The following RORA variants were observed in gnomAD, a reference collection of about 807,000 sequenced individuals.
RORA encodes the protein RAR related orphan receptor A.
Under a neutral mutation model 69.5 loss-of-function variants are expected in RORA, and 7 were observed. That is an observed-to-expected ratio of 0.10 (90% CI 0.06 to 0.19). RORA has a LOEUF of 0.19. Ranked by LOEUF, RORA falls within the 10% of genes least tolerant of loss-of-function variation. The pLI is 1.00. For missense variants in RORA, 457 were observed against 663.0 expected (o/e 0.69, Z 3.41); for synonymous variants, 261 against 240.8 (o/e 1.08, Z -0.78).
intron 6 of RORA, among the ~76,000 whole-genome samples, chr15:60,505,070 G>A (rs111784709): frequency 2.6e-5 from 4 of 152,310 alleles, no homozygotes; most frequent in African/African-American, 9.6e-5. Flanking sequence ...TATGATCACA[G>A]CTTCTAAATT....
At chr15:61,189,882 A>AAAAAAC (rs2079780836) in intron 1 of RORA, among the ~76,000 whole-genome samples, 1 of 149,424 alleles carries the variant, frequency 6.7e-6, no homozygotes, top group Non-Finnish European at 1.5e-5. Flanking sequence ...AAAAAAAAAA[A>AAAAAAC]CCACAGATAT....
At chr15:60,632,294 G>C (rs1237343382) in intron 2 of RORA, among the ~76,000 whole-genome samples, 1 of 151,968 alleles carries the variant, frequency 6.6e-6, no homozygotes, top group African/African-American at 2.4e-5. Context: ...TTTTAGTAGA[G>C]ACGGGGGTTT....
At chr15:60,506,332 T>C (rs990011887) in intron 5 of RORA, among the ~76,000 whole-genome samples, 1 of 152,108 alleles carries the variant, frequency 6.6e-6, no homozygotes, top group African/African-American at 2.4e-5. Flanking sequence ...GCCCTTAGAA[T>C]GGGGAGGATT....
chr15:60,552,443 T>C (rs1316093167), intron 2 of RORA, among the ~76,000 whole-genome samples: 3 of 152,196 alleles, frequency 2.0e-5, no homozygotes, highest in Admixed American at 6.5e-5. Context: ...CACGTATTTA[T>C]TAGCTGTCTC....
chr15:61,217,986 C>A (rs1000572221), intron 1 of RORA, among the ~76,000 whole-genome samples: 1 of 152,158 alleles, frequency 6.6e-6, no homozygotes, highest in Non-Finnish European at 1.5e-5. Flanking sequence ...CTTCCTCCCC[C>A]ACTGCTGGGC....
Position 61,146,160 on chromosome 15 carries a change from A to G in RORA, c.166+82893T>C, listed in dbSNP as rs375307328. On this transcript the variant is annotated intron_variant, in intron 1 of 10. Transcript: ENST00000335670. The stretch of plus-strand genomic sequence containing the variant: ...GAATGCATGATGGGTTGGTTTAAAA[A>G]TATGTCGAGGATTTTTCCCCTAGAT... 4.6e-5 allele frequency among the ~76,000 whole-genome samples: 7 copies of G among 152,322 alleles called. No individual in the cohort carries two copies. In the East Asian group the frequency reaches 1.2e-3, roughly 25 times the overall value.
At chr15:60,793,027 A>G (rs1193973066) in intron 1 of RORA, among the ~76,000 whole-genome samples, 1 of 150,860 alleles carries the variant, frequency 6.6e-6, no homozygotes, top group Non-Finnish European at 1.5e-5. Context: ...CTCCCTCAAA[A>G]GAGAGAGAGA....
intron 2 of RORA, among the ~76,000 whole-genome samples, chr15:60,568,757 C>G (rs879734293): frequency 1.6e-4 from 25 of 152,176 alleles, no homozygotes; most frequent in Admixed American, 1.6e-3. Flanking sequence ...TATCTTGAAT[C>G]TAAGCACTGT....
chr15:60,780,204 C>G (rs147877030), intron 1 of RORA, among the ~76,000 whole-genome samples: 32 of 152,288 alleles, frequency 2.1e-4, no homozygotes, highest in African/African-American at 7.7e-4. Flanking sequence ...GATCTCTACC[C>G]TGGCTGCTTA....
At chr15:60,608,549 G>A (rs1166659576) in intron 2 of RORA, among the ~76,000 whole-genome samples, 1 of 152,138 alleles carries the variant, frequency 6.6e-6, no homozygotes, top group Non-Finnish European at 1.5e-5. Context: ...ACTACATGTT[G>A]CAAGATGCTA....
chr15:60,795,036 C>A (rs1567193872), intron 1 of RORA, among the ~76,000 whole-genome samples: 1 of 152,150 alleles, frequency 6.6e-6, no homozygotes, highest in Non-Finnish European at 1.5e-5. Context: ...ATAAAAACCT[C>A]AAGAAACCTA....
intron 1 of RORA, chr15:61,038,717 T>G (rs1332220817): frequency 6.6e-6 from 1 of 152,220 alleles, no homozygotes; most frequent in South Asian, 2.1e-4. Flanking sequence ...TAGCGGAAGA[T>G]TCTAGGCAGC....
chr15:60,632,952 G>C (rs916506548), intron 2 of RORA, among the ~76,000 whole-genome samples: 2 of 152,056 alleles, frequency 1.3e-5, no homozygotes, highest in Non-Finnish European at 1.5e-5. Context: ...GATCAAAAAA[G>C]GGTGTTTAAA....
intron 2 of RORA, chr15:60,592,480 G>T: frequency 7.4e-7 from 1 of 1,342,396 alleles, no homozygotes; most frequent in Non-Finnish European, 9.6e-7. Flanking sequence ...CCCCTCTGCC[G>T]CCGCCGCGCC....
chr15:61,039,133 G>A (rs1896607077), intron 1 of RORA: 1 of 152,162 alleles, frequency 6.6e-6, no homozygotes, highest in Non-Finnish European at 1.5e-5. Context: ...GGTTTCTAAG[G>A]AGGAACAAAA....
chr15:60,936,420 A>G (rs1373532103), intron 1 of RORA, among the ~76,000 whole-genome samples: 2 of 152,248 alleles, frequency 1.3e-5, no homozygotes, highest in Non-Finnish European at 2.9e-5. Context: ...TTCCAGAAAC[A>G]GCCTGGATGG....
chr15:60,514,236 T>C (rs944457489), intron 4 of RORA, among the ~76,000 whole-genome samples: 2 of 152,242 alleles, frequency 1.3e-5, no homozygotes, highest in East Asian at 1.9e-4. Context: ...CAAGTAACAG[T>C]TGTGGTTCAC....
intron 1 of RORA, among the ~76,000 whole-genome samples, chr15:60,842,427 A>G (rs973478001): frequency 9.9e-5 from 15 of 152,192 alleles, no homozygotes; most frequent in Non-Finnish European, 1.8e-4. Flanking sequence ...GCTACCATTT[A>G]TGATTTATGG....
intron 1 of RORA, among the ~76,000 whole-genome samples, chr15:61,098,287 G>T (rs12915457): frequency 0.51 from 64,919 of 127,434 alleles, 15,487 homozygotes; most frequent in Middle Eastern, 0.59. Context: ...CTCCTTCCCT[G>T]CCTCCCTCAC....
Sources: gnomAD v4.1 joint callset for allele counts (sites outside exome capture counted in the v4.1 genomes callset) on GRCh38, gnomAD v4.1.1 for gene constraint, MANE v1.5 for transcripts, NCBI Gene and HGNC (gene_info 2026-07-23, HGNC 2026-07-21) for gene names.